The following QKI variants were observed in gnomAD, a reference collection of about 807,000 sequenced individuals.
The protein encoded by QKI is QKI, KH domain containing RNA binding.
Under a neutral mutation model 39.0 loss-of-function variants are expected in QKI, and 10 were observed. That is an observed-to-expected ratio of 0.26 (90% CI 0.16 to 0.43). QKI has a LOEUF of 0.43. QKI is among the 20% of genes least tolerant of loss of function. The pLI, the probability that QKI is intolerant of heterozygous loss-of-function variation, is 1.00. For synonymous variants in QKI, 204 were observed against 155.4 expected (o/e 1.31, Z -2.33); for missense variants, 218 against 428.0 (o/e 0.51, Z 4.33).
At chr6:163,428,714 T>C (rs1346447406) in intron 1 of QKI, among the ~76,000 whole-genome samples, 5 of 151,562 alleles carry the variant, frequency 3.3e-5, no homozygotes, top group Non-Finnish European at 7.4e-5. Context: ...TTAATGTATT[T>C]AAGTTATATT....
rs762638666 is a variant in QKI, at chr6:163,564,782, G to A, written c.934+1063G>A. ...AGTCAATGTGGAACAAACTGTTTCTGTGCAACCCCTTTGTTTTACCAGACA... is the reference window on the plus strand; with the variant it reads ...AGTCAATGTGGAACAAACTGTTTCTATGCAACCCCTTTGTTTTACCAGACA... On this transcript the variant is annotated intron_variant, in intron 6 of 7. Transcript: ENST00000361752. 11 of 1,608,680 alleles carry A rather than the reference G, an allele frequency of 6.8e-6. No individual in the cohort carries two copies. The Admixed American group carries it at 1.5e-4, about 22-fold the overall frequency.
rs1246539512 is a variant in QKI, at chr6:163,524,550, C to T, written c.403-10432C>T. 4.6e-5 allele frequency among the ~76,000 whole-genome samples: 7 copies of T among 152,192 alleles called. No homozygotes were observed. The East Asian group carries it at 1.2e-3, about 25-fold the overall frequency. ...GTGGCGTGATCTTGGCTCACCGCAA[C>T]CTCCACCTCCGAGGTTCAAGCGATT... On this transcript the variant is annotated intron_variant, in intron 3 of 7. Coordinates refer to ENST00000361752, the MANE Select transcript of QKI (RefSeq NM_006775.3).
At chr6:163,469,018 TTG>T (rs1554263184) in intron 2 of QKI, among the ~76,000 whole-genome samples, 1 of 152,188 alleles carries the variant, frequency 6.6e-6, no homozygotes, top group Non-Finnish European at 1.5e-5. Flanking sequence ...CTTGAGCTGT[TTG>T]TGGCTTCTTG....
At chr6:163,495,513 C>G (rs1452580693) in intron 3 of QKI, among the ~76,000 whole-genome samples, 1 of 152,102 alleles carries the variant, frequency 6.6e-6, no homozygotes, top group Admixed American at 6.5e-5. Context: ...AGTGCATTTC[C>G]TATAACCAAG....
At chr6:163,559,161 T>C (rs370899525) in intron 4 of QKI, among the ~76,000 whole-genome samples, 16 of 152,324 alleles carry the variant, frequency 1.1e-4, no homozygotes, top group African/African-American at 3.8e-4. Context: ...AGTGCCAACA[T>C]GTTTTCAAGC....
chr6:163,554,391 A>G (rs1047896595), intron 4 of QKI, among the ~76,000 whole-genome samples: 7 of 152,216 alleles, frequency 4.6e-5, no homozygotes, highest in African/African-American at 1.7e-4. Context: ...GTAGTTGTAG[A>G]GCCCTACACT....
chr6:163,477,005 G>GT (rs1792654859), intron 2 of QKI, among the ~76,000 whole-genome samples: 1 of 141,714 alleles, frequency 7.1e-6, no homozygotes, highest in Admixed American at 7.1e-5. Context: ...TCCTTTTTTT[G>GT]TTTTGTTTTG....
At chr6:163,521,491 A>G (rs532899993) in intron 3 of QKI, among the ~76,000 whole-genome samples, 16 of 152,268 alleles carry the variant, frequency 1.1e-4, no homozygotes, top group Non-Finnish European at 1.5e-5. Context: ...CAAGAAAAAA[A>G]TCATGACATC....
intron 1 of QKI, among the ~76,000 whole-genome samples, chr6:163,437,172 C>A (rs961166253): frequency 6.6e-6 from 1 of 152,134 alleles, no homozygotes; most frequent in Non-Finnish European, 1.5e-5. Context: ...TCTCCTGATC[C>A]AGGAAAGCTT....
chr6:163,419,992 A>G (rs1375453066), intron 1 of QKI, among the ~76,000 whole-genome samples: 4 of 152,122 alleles, frequency 2.6e-5, no homozygotes, highest in Non-Finnish European at 4.4e-5. Context: ...CATAAGAGCA[A>G]ATGGTTTTTG....
At chr6:163,415,846 C>G in intron 1 of QKI, 1 of 488,664 alleles carries the variant, frequency 2.0e-6, no homozygotes, top group Non-Finnish European at 4.1e-6. Context: ...AGGACTAAAG[C>G]GGGGTTTCGT....
At position 163,574,965 on chromosome 6, in the gene QKI, CAT is replaced by C. The variant is rs1410415217; in HGVS notation, c.*4259_*4260del. 6.6e-6 allele frequency: 1 copy of C among 152,158 alleles called. No individual in the cohort carries two copies. Among genetic ancestry groups the C allele is most frequent in the Non-Finnish European group, 1.5e-5 (1 of 68,032 alleles). 9.4% of individuals were successfully genotyped at this position (152,158 alleles called of 1,614,324 possible). ...CTCATTTCATAAATATGTATACACA[CAT>C]ATAAATACACAGAGTAGTGTTAGCT... On this transcript the variant is annotated 3_prime_UTR_variant, in exon 8 of 8. Coordinates refer to ENST00000361752, the MANE Select transcript of QKI (RefSeq NM_006775.3).
chr6:163,553,864 G>C (rs1038799142), intron 4 of QKI, among the ~76,000 whole-genome samples: 2 of 152,140 alleles, frequency 1.3e-5, no homozygotes, highest in Non-Finnish European at 2.9e-5. Flanking sequence ...GTGTGTGTTT[G>C]AGTGTTTTAA....
At chr6:163,491,042 T>A (rs1268146087) in intron 3 of QKI, among the ~76,000 whole-genome samples, 1 of 152,190 alleles carries the variant, frequency 6.6e-6, no homozygotes, top group Non-Finnish European at 1.5e-5. Context: ...TCTTTTTTGT[T>A]AAGATGTCAT....
chr6:163,531,806 G>C (rs1302079564), intron 3 of QKI, among the ~76,000 whole-genome samples: 2 of 152,152 alleles, frequency 1.3e-5, no homozygotes, highest in Non-Finnish European at 2.9e-5. Context: ...GTGCCCGGCT[G>C]AGTTTGTACA....
intron 2 of QKI, among the ~76,000 whole-genome samples, chr6:163,456,689 AT>A: frequency 6.6e-6 from 1 of 152,258 alleles, no homozygotes; most frequent in Non-Finnish European, 1.5e-5. Context: ...TTTTATAGGT[AT>A]TTTTGGTTGC....
chr6:163,471,933 C>T (rs536483350), intron 2 of QKI, among the ~76,000 whole-genome samples: 3 of 152,120 alleles, frequency 2.0e-5, no homozygotes, highest in Admixed American at 6.5e-5. Flanking sequence ...AAAATAAATT[C>T]TATCTATATT....
rs767477914 is a variant in QKI, at chr6:163,488,973, C to CTTTTTTTTT, written c.402+10086_402+10094dup. On this transcript the variant is annotated intron_variant, in intron 3 of 7. Coordinates refer to ENST00000361752, the MANE Select transcript of QKI (RefSeq NM_006775.3). ...TAGTTTTTGGTTTATCCTTCCATTT[C>CTTTTTTTTT]TTTTTTTTTTTTTTTTTAAACATAA... Among the ~76,000 whole-genome samples, 3 of 122,122 alleles carry CTTTTTTTTT rather than the reference C, an allele frequency of 2.5e-5. 1 individual carries two copies. The highest frequency in any genetic ancestry group is 8.0e-5 in the Admixed American group (1 of 12,546). The allele number at this position is 122,122 out of a possible 152,430, so 80.1% of individuals were successfully genotyped here.
chr6:163,466,546 G>A (rs1180286369), intron 2 of QKI, among the ~76,000 whole-genome samples: 3 of 152,066 alleles, frequency 2.0e-5, no homozygotes, highest in Non-Finnish European at 4.4e-5. Context: ...CAATGAAACA[G>A]AACAGAATCT....
Sources: gnomAD v4.1 joint callset for allele counts (sites outside exome capture counted in the v4.1 genomes callset) on GRCh38, gnomAD v4.1.1 for gene constraint, MANE v1.5 for transcripts, NCBI Gene and HGNC (gene_info 2026-07-23, HGNC 2026-07-21) for gene names.